Variants in ARHGAP15 observed in about 807,000 individuals in gnomAD.
ARHGAP15 encodes rho GTPase-activating protein 15.
A neutral mutation model predicts 63.7 loss-of-function variants in ARHGAP15; 51 were observed. The observed-to-expected ratio is 0.80, with a 90% CI of 0.64 to 1.01. The LOEUF (loss-of-function observed/expected upper bound fraction) is 1.01. ARHGAP15 is among the 50% of genes least tolerant of loss of function. The pLI, the probability that ARHGAP15 is intolerant of heterozygous loss-of-function variation, is 0.00. For missense variants in ARHGAP15, 560 were observed against 564.6 expected (o/e 0.99, Z 0.08); for synonymous variants, 191 against 193.8 (o/e 0.99, Z 0.12).
chr2:143,161,746 C>T (rs561831436), intron 2 of ARHGAP15, among the ~76,000 whole-genome samples: 6 of 151,962 alleles, frequency 3.9e-5, no homozygotes, highest in East Asian at 3.9e-4. Context: ...ACAACTAGAA[C>T]GGAGCAAGAA....
chr2:143,141,584 G>A (rs1689366675), intron 1 of ARHGAP15, among the ~76,000 whole-genome samples: 1 of 152,106 alleles, frequency 6.6e-6, no homozygotes, highest in African/African-American at 2.4e-5. Context: ...AACTTGCTTA[G>A]CAAGAGCAAA....
At position 143,733,674 on chromosome 2, in the gene ARHGAP15, A is replaced by G. The variant is rs148538787; in HGVS notation, c.1244+30150A>G. On this transcript the variant is annotated intron_variant, in intron 13 of 13. Transcript: ENST00000295095. ...CCATACATTTTCAGTCAGAAGCTAT[A>G]ATTTATTCAGAGATTAAAAGAATTC... 1.9e-3 allele frequency among the ~76,000 whole-genome samples: 290 copies of G among 152,288 alleles called. 3 individuals are homozygous for G. Among genetic ancestry groups the G allele is most frequent in the African/African-American group, 6.7e-3 (279 of 41,562 alleles).
chr2:143,650,499 G>A (rs752727419), intron 12 of ARHGAP15, among the ~76,000 whole-genome samples: 7 of 151,922 alleles, frequency 4.6e-5, no homozygotes, highest in Admixed American at 6.6e-5. Flanking sequence ...TACCTTCCTC[G>A]GATGTTTGCA....
intron 12 of ARHGAP15, among the ~76,000 whole-genome samples, chr2:143,638,947 G>GGTTACTATTT (rs1680476689): frequency 1.3e-5 from 2 of 151,826 alleles, no homozygotes; most frequent in African/African-American, 2.4e-5. Context: ...ACTCCTTTGT[G>GGTTACTATTT]GTTACTATTA....
At chr2:143,547,975 A>G (rs1695402427) in intron 10 of ARHGAP15, among the ~76,000 whole-genome samples, 1 of 152,000 alleles carries the variant, frequency 6.6e-6, no homozygotes, top group African/African-American at 2.4e-5. Flanking sequence ...TAAATGATAC[A>G]ATGTAGAACC....
intron 6 of ARHGAP15, among the ~76,000 whole-genome samples, chr2:143,268,571 C>G (rs1404322277): frequency 6.6e-6 from 1 of 151,986 alleles, no homozygotes; most frequent in Admixed American, 6.6e-5. Flanking sequence ...CAAGGAAAAA[C>G]TCATTGTACT....
chr2:143,416,253 TA>T (rs1185585130), intron 6 of ARHGAP15, among the ~76,000 whole-genome samples: 1 of 151,266 alleles, frequency 6.6e-6, no homozygotes, highest in Non-Finnish European at 1.5e-5. Context: ...AAATAATTTT[TA>T]AAAAAACAAA....
intron 5 of ARHGAP15, among the ~76,000 whole-genome samples, chr2:143,249,622 A>G (rs920231260): frequency 2.6e-5 from 4 of 152,166 alleles, no homozygotes; most frequent in Admixed American, 6.6e-5. Flanking sequence ...TAGTAAAGAA[A>G]TTCTCAACTG....
At chr2:143,293,790 G>A (rs951254883) in intron 6 of ARHGAP15, among the ~76,000 whole-genome samples, 1 of 151,958 alleles carries the variant, frequency 6.6e-6, no homozygotes, top group Non-Finnish European at 1.5e-5. Context: ...ATGTGATCAT[G>A]GGATATTCAT....
At chr2:143,598,324 C>G (rs1271896774) in intron 11 of ARHGAP15, among the ~76,000 whole-genome samples, 1 of 152,116 alleles carries the variant, frequency 6.6e-6, no homozygotes, top group Admixed American at 6.5e-5. Flanking sequence ...AAAATAGCAT[C>G]AAATGTGGCT....
At chr2:143,403,661 T>C (rs1283484873) in intron 6 of ARHGAP15, among the ~76,000 whole-genome samples, 1 of 151,886 alleles carries the variant, frequency 6.6e-6, no homozygotes, top group Non-Finnish European at 1.5e-5. Flanking sequence ...GCGTGAGATA[T>C]GAAAACAGAC....
At chr2:143,562,482 G>A (rs113075471) in intron 11 of ARHGAP15, among the ~76,000 whole-genome samples, 23 of 152,060 alleles carry the variant, frequency 1.5e-4, no homozygotes, top group South Asian at 1.2e-3. Context: ...TACTCTCACC[G>A]CCAATCACAG....
At chr2:143,625,212 A>G (rs923484537) in intron 12 of ARHGAP15, among the ~76,000 whole-genome samples, 3 of 149,626 alleles carry the variant, frequency 2.0e-5, no homozygotes. Flanking sequence ...AATCTCCAAG[A>G]AAAAAAAAAC....
chr2:143,328,574 G>C (rs1684360841), intron 6 of ARHGAP15, among the ~76,000 whole-genome samples: 1 of 152,104 alleles, frequency 6.6e-6, no homozygotes, highest in Non-Finnish European at 1.5e-5. Flanking sequence ...TCACACACCA[G>C]AGCCTGTCAG....
chr2:143,228,281 A>G (rs1693296346), intron 4 of ARHGAP15: 3 of 189,622 alleles, frequency 1.6e-5, no homozygotes, highest in South Asian at 1.9e-4. Context: ...TAAACTTTTT[A>G]TGGGAAGGAT....
At chr2:143,579,738 G>A (rs1212598203) in intron 11 of ARHGAP15, among the ~76,000 whole-genome samples, 1 of 146,906 alleles carries the variant, frequency 6.8e-6, no homozygotes, top group Non-Finnish European at 1.5e-5. Context: ...AGTAGAAGAT[G>A]AAGCTTGATT....
At chr2:143,763,734 ATATG>A (rs1039336401) in intron 13 of ARHGAP15, among the ~76,000 whole-genome samples, 3 of 147,718 alleles carry the variant, frequency 2.0e-5, no homozygotes, top group African/African-American at 7.5e-5. Context: ...ATGTATATGT[ATATG>A]TATGTATATG....
At chr2:143,430,714 T>C (rs1689347999) in intron 6 of ARHGAP15, among the ~76,000 whole-genome samples, 1 of 152,088 alleles carries the variant, frequency 6.6e-6, no homozygotes, top group African/African-American at 2.4e-5. Context: ...TATAACTTTT[T>C]ATTTTTACTT....
chr2:143,472,021 T>A (rs1051165593), intron 8 of ARHGAP15: 3 of 152,244 alleles, frequency 2.0e-5, no homozygotes, highest in Admixed American at 2.0e-4. Flanking sequence ...ACATTCCATC[T>A]GCAATTAATC....
Sources: allele counts gnomAD v4.1 joint callset (sites outside exome capture counted in the v4.1 genomes callset), GRCh38; gene constraint gnomAD v4.1.1; transcripts MANE v1.5; gene names NCBI Gene and HGNC (gene_info 2026-07-23, HGNC 2026-07-21).